Variants in GPATCH2 observed in about 807,000 individuals in gnomAD.
GPATCH2 encodes the protein G patch domain-containing protein 2.
GPATCH2 carries 51 observed loss-of-function variants against 58.0 expected under a neutral mutation model. That is an observed-to-expected ratio of 0.88 (90% confidence interval 0.70 to 1.11). The LOEUF (loss-of-function observed/expected upper bound fraction) is 1.11, where lower values mean the gene tolerates loss of function less well. Among genes scored for constraint, GPATCH2 ranks in the 50% most tolerant of loss-of-function variants. GPATCH2 has a pLI of 0.00. For missense variants in GPATCH2, 625 were observed against 652.2 expected (o/e 0.96, Z 0.45); for synonymous variants, 222 against 218.5 (o/e 1.02, Z -0.14).
chr1:217,508,799 T>C (rs1662692890), intron 6 of GPATCH2, among the ~76,000 whole-genome samples: 1 of 152,184 alleles, frequency 6.6e-6, no homozygotes, highest in South Asian at 2.1e-4. Context: ...ATTGAGGCTC[T>C]TGTCTTTTTT....
chr1:217,455,182 A>C (rs530261349), intron 8 of GPATCH2, among the ~76,000 whole-genome samples: 1 of 152,228 alleles, frequency 6.6e-6, no homozygotes, highest in East Asian at 1.9e-4. Context: ...ATTGGATCCA[A>C]GCTTTATTCT....
chr1:217,472,726 G>A (rs1660784873), intron 8 of GPATCH2, among the ~76,000 whole-genome samples: 1 of 152,148 alleles, frequency 6.6e-6, no homozygotes, highest in Non-Finnish European at 1.5e-5. Flanking sequence ...CAGTGGGAAA[G>A]CTCTTTCTAA....
rs1335386728 is a variant in GPATCH2, at chr1:217,569,753, G to A, written c.1098+40568C>T. On this transcript the variant is annotated intron_variant, in intron 5 of 9. Transcript: ENST00000366935. The stretch of plus-strand genomic sequence containing the variant: ...CCAAAGGTTAAAAGAATATGTACAC[G>A]ATATGGAATGAAGCCAAGGATGAAC... Among the ~76,000 whole-genome samples the A allele has an allele frequency of 2.0e-5, 3 of 152,146 alleles. No individual in the cohort carries two copies. The East Asian group carries it at 5.8e-4, about 29-fold the overall frequency.
chr1:217,468,506 C>T (rs1660562752), intron 8 of GPATCH2, among the ~76,000 whole-genome samples: 1 of 115,762 alleles, frequency 8.6e-6, no homozygotes, highest in Non-Finnish European at 1.7e-5. Context: ...TCAAGGAATG[C>T]ACACACAACC....
At chr1:217,611,130 CAATT>C in intron 3 of GPATCH2, 59 bp from the exon 4 acceptor site, 1 of 1,447,426 alleles carries the variant, frequency 6.9e-7, no homozygotes, top group Non-Finnish European at 9.4e-7. Context: ...TCCAGTTACA[CAATT>C]AGTCTTGTCA....
chr1:217,558,412 C>G (rs993427037), intron 5 of GPATCH2, among the ~76,000 whole-genome samples: 1 of 152,142 alleles, frequency 6.6e-6, no homozygotes, highest in Non-Finnish European at 1.5e-5. Context: ...GAATCAAACA[C>G]GGAAGGTACA....
intron 5 of GPATCH2, among the ~76,000 whole-genome samples, chr1:217,545,228 CAG>C (rs914975484): frequency 2.6e-5 from 4 of 152,216 alleles, no homozygotes; most frequent in African/African-American, 9.6e-5. Flanking sequence ...GCCCAGAAAT[CAG>C]AGATTCCAGG....
chr1:217,530,904 T>C (rs896269168), intron 5 of GPATCH2, among the ~76,000 whole-genome samples: 5 of 152,186 alleles, frequency 3.3e-5, no homozygotes, highest in Admixed American at 1.3e-4. Flanking sequence ...GTCTCTAAAT[T>C]GAATGTTTTA....
intron 8 of GPATCH2, among the ~76,000 whole-genome samples, chr1:217,464,109 T>C (rs539921863): frequency 2.6e-5 from 4 of 152,236 alleles, no homozygotes; most frequent in Admixed American, 2.6e-4. Context: ...ATAAACATGC[T>C]ATGTAGAAGC....
chr1:217,473,804 AAAT>A (rs1479991511), intron 8 of GPATCH2, among the ~76,000 whole-genome samples: 2 of 152,216 alleles, frequency 1.3e-5, no homozygotes, highest in Non-Finnish European at 2.9e-5. Flanking sequence ...GAATATATGA[AAAT>A]AATGTCATGA....
chr1:217,559,419 G>C (rs1665811097), intron 5 of GPATCH2, among the ~76,000 whole-genome samples: 1 of 151,918 alleles, frequency 6.6e-6, no homozygotes, highest in African/African-American at 2.4e-5. Flanking sequence ...CCATACCTGT[G>C]ACATAAAAAA....
chr1:217,514,344 G>C (rs1663015576), intron 6 of GPATCH2, among the ~76,000 whole-genome samples: 1 of 149,218 alleles, frequency 6.7e-6, no homozygotes, highest in African/African-American at 2.5e-5. Flanking sequence ...ATTTTTAGTA[G>C]AGATGGGTTT....
At position 217,449,317 on chromosome 1, in the gene GPATCH2, C is replaced by A; in HGVS notation, c.1298G>T (p.Gly433Val). The A allele has an allele frequency of 1.2e-6, 2 of 1,601,150 alleles. No homozygotes were observed. Among genetic ancestry groups the A allele is most frequent in the African/African-American group, 1.3e-5 (1 of 74,742 alleles). The change falls in exon 9 of 10, where the codon GGA becomes GTA. Residue 433 changes from glycine to valine, a missense_variant. Transcript: ENST00000366935. ...TASRQTSMHL[G>V]SLCTGDIKRR... The stretch of plus-strand genomic sequence containing the variant: ...TTTGATATCTCCCGTGCATAAGGAT[C>A]CTAAATGCATGCTTGTTTGCCTACG...
chr1:217,592,309 A>G (rs999261198), intron 5 of GPATCH2, among the ~76,000 whole-genome samples: 1 of 152,046 alleles, frequency 6.6e-6, no homozygotes, highest in Admixed American at 6.5e-5. Context: ...GTATAACTCA[A>G]AAAGTATAGG....
intron 5 of GPATCH2, among the ~76,000 whole-genome samples, chr1:217,580,754 A>AGTTCC (rs1290168202): frequency 7.4e-5 from 3 of 40,388 alleles, no homozygotes; most frequent in African/African-American, 7.3e-5. Flanking sequence ...ATCTCCTGTA[A>AGTTCC]TCCCAGCACT....
intron 8 of GPATCH2, among the ~76,000 whole-genome samples, chr1:217,485,401 A>G (rs1661409076): frequency 6.6e-6 from 1 of 152,108 alleles, no homozygotes; most frequent in Admixed American, 6.5e-5. Flanking sequence ...AGCCCAGTCA[A>G]ATTGACACAT....
At chr1:217,522,647 G>A (rs1420099928) in intron 5 of GPATCH2, among the ~76,000 whole-genome samples, 1 of 151,978 alleles carries the variant, frequency 6.6e-6, no homozygotes, top group East Asian at 1.9e-4. Context: ...TATATAAGAT[G>A]GTGTAAAAAA....
At position 217,620,377 on chromosome 1, in the gene GPATCH2, G is replaced by A. The variant is rs1669126290; in HGVS notation, c.179C>T (p.Pro60Leu). The A allele has an allele frequency of 1.2e-6, 2 of 1,613,824 alleles. No homozygotes were observed. Among genetic ancestry groups the A allele is most frequent in the African/African-American group, 1.3e-5 (1 of 74,862 alleles). Residue 60 changes from proline to leucine, a missense_variant, in exon 2 of 10, where the codon CCT (proline) becomes CTT (leucine). Coordinates refer to ENST00000366935, the MANE Select transcript of GPATCH2 (RefSeq NM_018040.5). ...CCTTTTCCTTGCCTGGCGTTTCAGA[G>A]GGCAAGATATACTTCGAGAATGGTC... Reference protein sequence around the residue: ...TGDHSRSISCPLKRQARKRRG... With the variant: ...TGDHSRSISCLLKRQARKRRG...
intron 5 of GPATCH2, among the ~76,000 whole-genome samples, chr1:217,566,101 CAAAAAAAAAAAAA>C (rs59608962): frequency 1.6e-3 from 74 of 47,248 alleles, no homozygotes; most frequent in Non-Finnish European, 2.5e-3. Context: ...AACTCCGTCT[CAAAAAAAAAAAAA>C]AAAAAAAAAA....
Sources: gnomAD v4.1 joint callset for allele counts (sites outside exome capture counted in the v4.1 genomes callset) on GRCh38, gnomAD v4.1.1 for gene constraint, MANE v1.5 for transcripts, NCBI Gene and HGNC (gene_info 2026-07-23, HGNC 2026-07-21) for gene names.